Variants in COL23A1 observed in about 807,000 individuals in gnomAD.
COL23A1 encodes collagen type XXIII alpha 1 chain.
Under a neutral mutation model 99.3 loss-of-function variants are expected in COL23A1, and 97 were observed. The ratio of observed to expected loss-of-function variants is 0.98; its 90% CI spans 0.83 to 1.16. The LOEUF (loss-of-function observed/expected upper bound fraction) is 1.16. COL23A1 is among the 50% of genes most tolerant of loss of function. The pLI, the probability that COL23A1 is intolerant of heterozygous loss-of-function variation, is 0.00. For missense variants in COL23A1, 762 were observed against 757.4 expected, an observed-to-expected ratio of 1.01 and a Z score of -0.07; for synonymous variants, 320 against 308.2, an observed-to-expected ratio of 1.04 and a Z score of -0.40.
chr5:178,268,480 C>T (rs1053272758), intron 7 of COL23A1, among the ~76,000 whole-genome samples: 1 of 152,124 alleles, frequency 6.6e-6, no homozygotes, highest in African/African-American at 2.4e-5. Context: ...ACCGGGCCTC[C>T]GAGTTTGGTT....
intron 18 of COL23A1, among the ~76,000 whole-genome samples, chr5:178,249,716 A>ACACACACACACACTCTCTCTCTCTCT: frequency 4.3e-5 from 4 of 92,748 alleles, no homozygotes; most frequent in African/African-American, 8.5e-5. Flanking sequence ...ACACACACAC[A>ACACACACACACACTCTCTCTCTCTCT]CTCTCTCTCT....
At chr5:178,432,621 C>T (rs1255888235) in intron 2 of COL23A1, among the ~76,000 whole-genome samples, 6 of 152,228 alleles carry the variant, frequency 3.9e-5, no homozygotes, top group Non-Finnish European at 8.8e-5. Flanking sequence ...GCAGACTGAG[C>T]GAGGCCTCAG....
chr5:178,546,575 C>T (rs1478182065), intron 2 of COL23A1, among the ~76,000 whole-genome samples: 2 of 152,186 alleles, frequency 1.3e-5, no homozygotes, highest in Middle Eastern at 3.2e-3. Flanking sequence ...GGCCTGGCTG[C>T]GGTGACGCGC....
chr5:178,515,650 C>T (rs573207817), intron 2 of COL23A1, among the ~76,000 whole-genome samples: 4 of 152,242 alleles, frequency 2.6e-5, no homozygotes, highest in Non-Finnish European at 5.9e-5. Flanking sequence ...TCCTTCAGCT[C>T]GGACCCCCGC....
At position 178,440,664 on chromosome 5, in the gene COL23A1, G is replaced by A. The variant is rs186930143; in HGVS notation, c.361+120018C>T. Among the ~76,000 whole-genome samples, 512 of 149,490 alleles carry A rather than the reference G, an allele frequency of 3.4e-3. 3 individuals carry two copies. The highest frequency in any genetic ancestry group is 0.012 in the African/African-American group (500 of 40,046). On this transcript the variant is annotated intron_variant, in intron 2 of 28. Transcript: ENST00000390654. ...GAGTTTCACTCTTGTTGCCCAGACT[G>A]GAGTGCAGTGGTGAGATCTCGGCTC...
At chr5:178,540,245 A>T (rs1420531999) in intron 2 of COL23A1, among the ~76,000 whole-genome samples, 1 of 152,234 alleles carries the variant, frequency 6.6e-6, no homozygotes, top group Non-Finnish European at 1.5e-5. Flanking sequence ...TTATTTATAG[A>T]TGGTATGGTA....
At chr5:178,510,468 G>A (rs752466180) in intron 2 of COL23A1, among the ~76,000 whole-genome samples, 1 of 152,160 alleles carries the variant, frequency 6.6e-6, no homozygotes, top group Non-Finnish European at 1.5e-5. Flanking sequence ...CCTGAACCAG[G>A]AGGCGGAGGT....
At position 178,404,574 on chromosome 5, in the gene COL23A1, C is replaced by G. The variant is rs902015618; in HGVS notation, c.362-97655G>C. 3.1e-4 allele frequency among the ~76,000 whole-genome samples: 19 copies of G among 61,510 alleles called. 1 individual carries two copies. In the East Asian group the frequency reaches 0.36, roughly 1,169 times the overall value. 40.4% of individuals were successfully genotyped at this position (61,510 alleles called of 152,430 possible). On this transcript the variant is annotated intron_variant, in intron 2 of 28. Transcript: ENST00000390654. The stretch of plus-strand genomic sequence containing the variant: ...AGCTGATTCCTTATGGTGAACCTGG[C>G]CCAGCCCCTCCATTGGTCCCTGGGA...
At chr5:178,464,608 C>A (rs568057934) in intron 2 of COL23A1, among the ~76,000 whole-genome samples, 47 of 152,330 alleles carry the variant, frequency 3.1e-4, no homozygotes, top group Admixed American at 2.9e-3. Context: ...CGTCACTCAG[C>A]CCTGACGTGG....
At chr5:178,553,169 T>TAAAA in intron 2 of COL23A1, among the ~76,000 whole-genome samples, 1 of 135,074 alleles carries the variant, frequency 7.4e-6, no homozygotes, top group East Asian at 2.2e-4. Context: ...GATCCTATCT[T>TAAAA]AAAAAAAAAA....
At chr5:178,516,635 G>C (rs1759534088) in intron 2 of COL23A1, among the ~76,000 whole-genome samples, 1 of 152,196 alleles carries the variant, frequency 6.6e-6, no homozygotes, top group Non-Finnish European at 1.5e-5. Context: ...CGTACTGTTT[G>C]GTCTGACTAG....
rs1285739470 is a variant in COL23A1 at position 178,357,920 on chromosome 5, GTA to G, written c.362-51003_362-51002del. 6.4e-3 allele frequency among the ~76,000 whole-genome samples: 941 copies of G among 147,432 alleles called. 13 individuals are homozygous for G. The highest frequency in any genetic ancestry group is 0.022 in the African/African-American group (890 of 39,668). ...ATGTGTGTCTAATGTGTGTGTATGTGTATGTGTGTATGTGTATGTATGTGTGT... is the reference window on the plus strand; with the variant it reads ...ATGTGTGTCTAATGTGTGTGTATGTGTGTGTGTATGTGTATGTATGTGTGT... On this transcript the variant is annotated intron_variant, in intron 2 of 28. Transcript: ENST00000390654.
intron 2 of COL23A1, among the ~76,000 whole-genome samples, chr5:178,501,423 TA>T (rs1230266060): frequency 1.3e-5 from 2 of 151,756 alleles, no homozygotes; most frequent in Non-Finnish European, 2.9e-5. Flanking sequence ...CTACTAAAAA[TA>T]CAAAAAATTA....
chr5:178,572,272 G>A (rs1201141653), intron 1 of COL23A1, among the ~76,000 whole-genome samples: 2 of 152,012 alleles, frequency 1.3e-5, no homozygotes, highest in Non-Finnish European at 2.9e-5. Flanking sequence ...GACAACTAGT[G>A]AACTGTGGGA....
chr5:178,358,498 CGTGTATATGT>C (rs1172710015), intron 2 of COL23A1, among the ~76,000 whole-genome samples: 2 of 95,322 alleles, frequency 2.1e-5, no homozygotes, highest in African/African-American at 3.8e-5. Context: ...TGTGTGTATG[CGTGTATATGT>C]GTGTATGTGT....
At chr5:178,338,720 A>G (rs1760492428) in intron 2 of COL23A1, among the ~76,000 whole-genome samples, 1 of 151,654 alleles carries the variant, frequency 6.6e-6, no homozygotes, top group Non-Finnish European at 1.5e-5. Flanking sequence ...ACTCCAGATG[A>G]TTTGGTTAAT....
At position 178,281,391 on chromosome 5, in the gene COL23A1, G is replaced by C. The variant is rs907454569; in HGVS notation, c.441+6933C>G. ...TTCATTTCAAAATTGGTCCCAGGCC[G>C]AGGCCCCGTCTCACAGACCACATTT... On this transcript the variant is annotated intron_variant, in intron 5 of 28. Transcript: ENST00000390654. This position sits in a 1 kb window ranked among gnomAD's most constrained non-coding sequence, Gnocchi z 4.0. 6.6e-6 allele frequency among the ~76,000 whole-genome samples: 1 copy of C among 152,100 alleles called. No homozygotes were observed. The highest frequency in any genetic ancestry group is 1.5e-5 in the Non-Finnish European group (1 of 68,022).
chr5:178,547,593 AAC>A (rs2113411957), intron 2 of COL23A1, among the ~76,000 whole-genome samples: 3 of 13,268 alleles, frequency 2.3e-4, no homozygotes, highest in Non-Finnish European at 4.2e-4. Flanking sequence ...ACACCCCCAC[AAC>A]CACCCACACA....
At chr5:178,523,163 C>CATATATATATATAT (rs70997608) in intron 2 of COL23A1, among the ~76,000 whole-genome samples, 1 of 95,548 alleles carries the variant, frequency 1.0e-5, no homozygotes, top group Non-Finnish European at 2.0e-5. Flanking sequence ...TATATATATA[C>CATATATATATATAT]ATATATATAT....
Sources: allele counts gnomAD v4.1 joint callset (sites outside exome capture counted in the v4.1 genomes callset), GRCh38; gene constraint gnomAD v4.1.1; non-coding constraint Gnocchi (gnomAD v3.1); transcripts MANE v1.5; gene names NCBI Gene and HGNC (gene_info 2026-07-23, HGNC 2026-07-21).